The following CFAP46 variants were observed in gnomAD, a reference collection of about 807,000 sequenced individuals.
The protein encoded by CFAP46 is cilia- and flagella-associated protein 46.
Under a neutral mutation model 325.7 loss-of-function variants are expected in CFAP46, and 245 were observed. That is an observed-to-expected ratio of 0.75 (90% CI 0.68 to 0.84). The LOEUF (loss-of-function observed/expected upper bound fraction) is 0.84, where lower values mean the gene tolerates loss of function less well. Ranked by LOEUF, CFAP46 falls within the 40% of genes least tolerant of loss-of-function variation. The pLI, the probability that CFAP46 is intolerant of heterozygous loss-of-function variation, is 0.00. For missense variants in CFAP46, 3,346 were observed against 3,543.0 expected (o/e 0.94, Z 1.41); for synonymous variants, 1,523 against 1,495.9 (o/e 1.02, Z -0.42).
chr10:132,863,131 GC>G (rs1848747678), intron 35 of CFAP46, among the ~76,000 whole-genome samples: 1 of 152,080 alleles, frequency 6.6e-6, no homozygotes, highest in African/African-American at 2.4e-5. Context: ...GTCCACGGTG[GC>G]CCCGGGTATG....
intron 23 of CFAP46, among the ~76,000 whole-genome samples, 166 bp from the exon 24 acceptor site, chr10:132,899,287 T>C (rs1849361289): frequency 6.6e-6 from 1 of 152,150 alleles, no homozygotes; most frequent in African/African-American, 2.4e-5. Flanking sequence ...CCAGTGGGCC[T>C]TTCTGGGCAG....
intron 24 of CFAP46, among the ~76,000 whole-genome samples, chr10:132,896,033 T>C (rs1353561921): frequency 9.0e-6 from 1 of 110,642 alleles, no homozygotes; most frequent in African/African-American, 3.2e-5. Context: ...GAAGACACGG[T>C]GAGAAGGCAG....
chr10:132,816,553 G>C (rs572061557), intron 50 of CFAP46, among the ~76,000 whole-genome samples: 10 of 151,974 alleles, frequency 6.6e-5, no homozygotes, highest in Non-Finnish European at 1.5e-4. Context: ...GGATGGTCTC[G>C]ATCTCCTGAC....
Position 132,836,831 on chromosome 10 carries a change from G to A in CFAP46, c.6522C>T (p.His2174=), listed in dbSNP as rs141355400. ...MPPTFWILFL[H]LSGDRSRLYG... ...AGCGGCTTTACCTGTCCCCTGAGAG[G>A]TGCAGAAAGAGGATCCAAAAGGTCG... The change falls in exon 45 of 58, where the codon CAC becomes CAT. Residue 2174 remains histidine (H), a synonymous_variant. Coordinates refer to ENST00000368586, the MANE Select transcript of CFAP46 (RefSeq NM_001200049.3). 3.7e-6 allele frequency: 6 copies of A among 1,613,556 alleles called. No individual in the cohort carries two copies. In the African/African-American group the frequency reaches 8.0e-5, roughly 21 times the overall value.
chr10:132,940,968 G>T, intron 4 of CFAP46, 28 bp downstream of exon 4: 1 of 1,611,546 alleles, frequency 6.2e-7, no homozygotes, highest in Non-Finnish European at 8.5e-7. Context: ...CCCAGTCAGT[G>T]AGAAACGGCC....
chr10:132,818,659 C>G lies in CFAP46; in HGVS notation c.7118-3745G>C, dbSNP rs561942394. On this transcript the variant is annotated intron_variant, in intron 50 of 57. Coordinates refer to ENST00000368586, the MANE Select transcript of CFAP46 (RefSeq NM_001200049.3). The stretch of plus-strand genomic sequence containing the variant: ...CCTGAGGGCAGGAGTTTGAGACCAG[C>G]CTGACCAACATAGCCAAACCCCGTC... Among the ~76,000 whole-genome samples, 272 of 152,146 alleles carry G rather than the reference C, an allele frequency of 1.8e-3. 1 individual carries two copies. Among genetic ancestry groups the G allele is most frequent in the African/African-American group, 4.7e-3 (196 of 41,504 alleles).
chr10:132,873,612 ACTCT>A (rs973108838), intron 31 of CFAP46, among the ~76,000 whole-genome samples: 1 of 151,562 alleles, frequency 6.6e-6, no homozygotes, highest in African/African-American at 2.4e-5. Context: ...CCACTCTCTC[ACTCT>A]CTCTCTCAGG....
In CFAP46 at chr10:132,833,379, G is replaced by A. The variant is rs762502431; in HGVS notation, c.7096C>T (p.Arg2366Cys). The A allele has an allele frequency of 3.8e-5, 61 of 1,613,842 alleles. No individual in the cohort carries two copies. The highest frequency in any genetic ancestry group is 1.6e-4 in the African/African-American group (12 of 74,912). ...CTACCTGTCTCTTCTTTATGGAGGCGATTCCACAGCATTTGAAGAGAAAAT... is the reference window on the plus strand; with the variant it reads ...CTACCTGTCTCTTCTTTATGGAGGCAATTCCACAGCATTTGAAGAGAAAAT... ...REFSLQMLWNRLHKEETEGGV... is the reference protein window; with the variant it reads ...REFSLQMLWNCLHKEETEGGV... The change falls in exon 50 of 58, where the codon CGC (arginine) becomes TGC (cysteine). Residue 2366 changes from arginine to cysteine, a missense_variant. By Grantham distance (180) the Arg-to-Cys change is radical (BLOSUM62 -3). Transcript: ENST00000368586.
In CFAP46 at chr10:132,885,824, C is replaced by G; in HGVS notation, c.3440G>C (p.Arg1147Pro). The G allele has an allele frequency of 6.6e-7, 1 of 1,519,630 alleles. No homozygotes were observed. Among genetic ancestry groups the G allele is most frequent in the Non-Finnish European group, 8.9e-7 (1 of 1,129,638 alleles). The allele number at this position is 1,519,630 out of a possible 1,614,324, so 94.1% of individuals were successfully genotyped here. Residue 1147 changes from arginine to proline, a missense_variant, in exon 26 of 58, where the codon CGC becomes CCC. Transcript: ENST00000368586. The stretch of plus-strand genomic sequence containing the variant: ...AGGCGGTGGGGGGAGCACTCACAGG[C>G]GGTGGGCCGTCCTTGGCAGCACCTG... Reference protein sequence around the residue: ...AVQVLPRTAHRLLIFKHMVIV... With the variant: ...AVQVLPRTAHPLLIFKHMVIV...
rs146998210 is a variant in CFAP46, at chr10:132,857,731, C to T, written c.5433G>A (p.Ala1811=). 2.4e-4 allele frequency: 387 copies of T among 1,607,120 alleles called. 2 individuals carry two copies. In the African/African-American group the frequency reaches 3.9e-3, roughly 16 times the overall value. ...CTACGGCACCCTGGGCCAGGCCATA[C>T]GCTTCCAAGTAATACGCAGTTTTTT... The part of the protein sequence containing the change: ...EEQKTAYYLE[A]YGLAQGAVAE... The change falls in exon 39 of 58, where the codon GCG becomes GCA. Residue 1811 remains alanine (A), a synonymous_variant. Transcript: ENST00000368586.
At chr10:132,929,407 T>C (rs1849856945) in intron 9 of CFAP46, 1 of 682,308 alleles carries the variant, frequency 1.5e-6, no homozygotes, top group South Asian at 1.6e-5. Flanking sequence ...GAGGATGTTC[T>C]GGATCATCAG....
In CFAP46 at chr10:132,851,162, C is replaced by T. The variant is rs1247363284; in HGVS notation, c.5718G>A (p.Leu1906=). 2 of 1,614,082 alleles carry T rather than the reference C, an allele frequency of 1.2e-6. No homozygotes were observed. The highest frequency in any genetic ancestry group is 3.3e-5 in the Admixed American group (2 of 60,030). Residue 1906 remains leucine (L), a synonymous_variant, in exon 40 of 58, where the codon CTG becomes CTA. Transcript: ENST00000368586. ...QSEQGSLEKL[L]ADYLQNTSDY... ...CACTGGTGTTCTGCAGATAGTCCGCCAGCAGCTTCTCCAGGGACCCCTGCT... is the reference window on the plus strand; with the variant it reads ...CACTGGTGTTCTGCAGATAGTCCGCTAGCAGCTTCTCCAGGGACCCCTGCT...
chr10:132,940,926 C>T (rs941764388), intron 4 of CFAP46, 70 bp downstream of exon 4: 10 of 1,444,738 alleles, frequency 6.9e-6, no homozygotes, highest in Admixed American at 1.7e-5. Context: ...TAAATACACC[C>T]ACTTGATAAG....
At chr10:132,941,115 C>A in intron 3 of CFAP46, 55 bp from the exon 4 acceptor site, 4 of 1,581,282 alleles carry the variant, frequency 2.5e-6, no homozygotes, top group Non-Finnish European at 3.5e-6. Context: ...CTGCTCACTG[C>A]CCCATCTGCG....
chr10:132,816,666 T>G (rs904598198), intron 50 of CFAP46, among the ~76,000 whole-genome samples: 3 of 152,230 alleles, frequency 2.0e-5, no homozygotes, highest in Admixed American at 1.3e-4. Context: ...GCTGAGCTTC[T>G]GAATTCCTGG....
chr10:132,937,092 A>G (rs1850020065), intron 6 of CFAP46, 37 bp from the exon 7 acceptor site: 1 of 1,290,068 alleles, frequency 7.8e-7, no homozygotes, highest in African/African-American at 1.5e-5. Context: ...ATCTGGATTC[A>G]AACAATTCGG....
chr10:132,922,409 C>T lies in CFAP46; in HGVS notation c.1485+71G>A, dbSNP rs1849737976. 2.0e-6 allele frequency: 3 copies of T among 1,473,692 alleles called. No individual in the cohort carries two copies. The East Asian group carries it at 7.5e-5, about 37-fold the overall frequency. 91.3% of individuals were successfully genotyped at this position (1,473,692 alleles called of 1,614,324 possible). ...CTGGGCGGCTCCCGCCCTGCTGTGC[C>T]CTCAGAGCCCCGCCCCGGCCCCATG... is the stretch of plus-strand genomic sequence containing the variant. On this transcript the variant is annotated intron_variant, in intron 12 of 57. Coordinates refer to ENST00000368586, the MANE Select transcript of CFAP46 (RefSeq NM_001200049.3).
Position 132,929,775 on chromosome 10 carries a change from A to G in CFAP46, c.896T>C (p.Phe299Ser), listed in dbSNP as rs943342361. ...CTCCATGCATTTCAAGGTCAAGGAAAAACGCGCCAATTCAAAAAGCAAAAG... is the reference window on the plus strand; with the variant it reads ...CTCCATGCATTTCAAGGTCAAGGAAGAACGCGCCAATTCAAAAAGCAAAAG... Reference protein sequence around the residue: ...KMLLLFELARFSLTLKCMEIS... With the variant: ...KMLLLFELARSSLTLKCMEIS... The change falls in exon 9 of 58, where the codon TTT (phenylalanine) becomes TCT (serine). Residue 299 changes from phenylalanine (F) to serine (S), a missense_variant. By Grantham distance (155) the Phe-to-Ser change is radical. Transcript: ENST00000368586. 1.2e-6 allele frequency: 2 copies of G among 1,610,466 alleles called. No homozygotes were observed. The highest frequency in any genetic ancestry group is 1.7e-6 in the Non-Finnish European group (2 of 1,177,194).
chr10:132,924,893 A>G lies in CFAP46; in HGVS notation c.1066-7T>C. On this transcript the variant is annotated splice_polypyrimidine_tract_variant and splice_region_variant and intron_variant, in intron 10 of 57. Transcript: ENST00000368586. ...GTATGATATCCAGCTGGGCCTGCGGAGAAGACGTGGGGGATTCTAGGGAGG... is the reference window on the plus strand; with the variant it reads ...GTATGATATCCAGCTGGGCCTGCGGGGAAGACGTGGGGGATTCTAGGGAGG... The G allele has an allele frequency of 7.3e-7, 1 of 1,374,806 alleles. No homozygotes were observed. Among genetic ancestry groups the G allele is most frequent in the Non-Finnish European group, 9.5e-7 (1 of 1,057,096 alleles). The allele number at this position is 1,374,806 out of a possible 1,614,324, so 85.2% of individuals were successfully genotyped here.
Sources: allele counts gnomAD v4.1 joint callset (sites outside exome capture counted in the v4.1 genomes callset), GRCh38; gene constraint gnomAD v4.1.1; transcripts MANE v1.5; gene names NCBI Gene and HGNC (gene_info 2026-07-23, HGNC 2026-07-21).